Variants in ATXN3 observed in about 807,000 individuals in gnomAD.
ATXN3 encodes the protein ataxin-3.
In ATXN3, 28 loss-of-function variants were observed where a neutral mutation model predicts 58.2. The observed-to-expected ratio is 0.48, with a 90% CI of 0.36 to 0.66. ATXN3 has a LOEUF of 0.66. Ranked by LOEUF, ATXN3 falls within the 30% of genes least tolerant of loss-of-function variation. The probability of loss-of-function intolerance (pLI) is 0.00; values close to 1 mark genes in which losing one functional copy is unlikely to be tolerated. For synonymous variants in ATXN3, 113 were observed against 138.5 expected (o/e 0.82, Z 1.29); for missense variants, 321 against 422.1 (o/e 0.76, Z 2.10).
chr14:92,099,951 G>A (rs1418867643), intron 1 of ATXN3, among the ~76,000 whole-genome samples: 1 of 151,224 alleles, frequency 6.6e-6, no homozygotes. Flanking sequence ...AGAAAGGAAG[G>A]AAGGAAGAAA....
At chr14:92,078,432 G>A (rs1464250757) in intron 9 of ATXN3, among the ~76,000 whole-genome samples, 2 of 151,622 alleles carry the variant, frequency 1.3e-5, no homozygotes, top group Non-Finnish European at 2.9e-5. Context: ...GCACGATCTC[G>A]GCTCACCGCA....
intron 9 of ATXN3, chr14:92,080,711 T>A (rs1050025180): frequency 2.4e-6 from 1 of 414,384 alleles, no homozygotes; most frequent in East Asian, 6.4e-5. Flanking sequence ...TTCTTTTGTA[T>A]TTTTAGTAGA....
At chr14:92,051,330 T>C (rs1032527954), upstream of ATXN3, among the ~76,000 whole-genome samples, 1 of 152,242 alleles carries the variant, frequency 6.6e-6, no homozygotes, top group Admixed American at 6.5e-5. Flanking sequence ...TTTCCATTAC[T>C]ACAGAATCTT....
intron 10 of ATXN3, among the ~76,000 whole-genome samples, chr14:92,068,396 G>C (rs1376702141): frequency 6.6e-6 from 1 of 152,098 alleles, no homozygotes; most frequent in Non-Finnish European, 1.5e-5. Context: ...ATCTTGCTAG[G>C]TTGCCTCTTT....
At chr14:92,053,591 G>A (rs2057455694), downstream of ATXN3, among the ~76,000 whole-genome samples, 1 of 151,076 alleles carries the variant, frequency 6.6e-6, no homozygotes, top group Non-Finnish European at 1.5e-5. Flanking sequence ...CAAACCTCCA[G>A]GCTCAAGGTA....
intron 9 of ATXN3, 139 bp downstream of exon 9, chr14:92,080,826 G>A (rs905880777): frequency 2.2e-5 from 17 of 757,426 alleles, no homozygotes; most frequent in African/African-American, 2.1e-4. Context: ...GTAAGCCACC[G>A]TGCCCGTCCT....
chr14:92,099,465 T>C (rs1380269718), intron 1 of ATXN3, among the ~76,000 whole-genome samples: 3 of 152,234 alleles, frequency 2.0e-5, no homozygotes, highest in Non-Finnish European at 2.9e-5. Context: ...AATAGACTTT[T>C]TGTTTCCACT....
downstream of ATXN3, among the ~76,000 whole-genome samples, chr14:92,058,064 C>T (rs1319441866): frequency 2.0e-5 from 3 of 152,142 alleles, no homozygotes; most frequent in Non-Finnish European, 2.9e-5. Flanking sequence ...GAATTCTTAG[C>T]TTCTCTTGGA....
At chr14:92,069,909 C>T (rs1390981843) in intron 10 of ATXN3, among the ~76,000 whole-genome samples, 1 of 152,136 alleles carries the variant, frequency 6.6e-6, no homozygotes, top group African/African-American at 2.4e-5. Flanking sequence ...TAAAGCCATA[C>T]CTACAGGGGT....
intron 1 of ATXN3, among the ~76,000 whole-genome samples, chr14:92,105,270 C>A (rs569912322): frequency 5.9e-4 from 90 of 152,196 alleles, no homozygotes; most frequent in African/African-American, 2.0e-3. Context: ...AAAAACATTA[C>A]CTGGCCCTGG....
rs1461718529 is a variant in ATXN3 at position 92,063,874 on chromosome 14, A to T, written c.*446T>A. ...TTATCAACATCAGGAAAGTAGAGAT[A>T]CTTTCCTGAAAGGTTAATTTGGTTA... is the stretch of plus-strand genomic sequence containing the variant. On this transcript the variant is annotated 3_prime_UTR_variant, in exon 11 of 11. Coordinates refer to ENST00000644486, the MANE Select transcript of ATXN3 (RefSeq NM_004993.6). 6.5e-6 allele frequency: 1 copy of T among 154,964 alleles called. No homozygotes were observed. Among genetic ancestry groups the T allele is most frequent in the East Asian group, 1.9e-4 (1 of 5,298 alleles). 9.6% of individuals were successfully genotyped at this position (154,964 alleles called of 1,614,324 possible).
chr14:92,106,563 CTGG>C lies in ATXN3; in HGVS notation c.-14_-12del. The C allele has an allele frequency of 1.9e-6, 3 of 1,613,062 alleles. No individual in the cohort carries two copies. The highest frequency in any genetic ancestry group is 2.5e-6 in the Non-Finnish European group (3 of 1,179,404). ...GAAGATGGACTCCATGTTTATTTGT[CTGG>C]AGCCAACGGCCCCCACGCCGAACCA... On this transcript the variant is annotated 5_prime_UTR_variant, in exon 1 of 11. Transcript: ENST00000644486.
At chr14:92,079,777 C>G (rs577040365) in intron 9 of ATXN3, among the ~76,000 whole-genome samples, 1 of 152,200 alleles carries the variant, frequency 6.6e-6, no homozygotes, top group Admixed American at 6.5e-5. Context: ...CGCTCTTGTC[C>G]CCCAGGCTGG....
intron 8 of ATXN3, 39 bp from the exon 9 acceptor site, chr14:92,081,100 T>A: frequency 7.5e-7 from 1 of 1,341,312 alleles, no homozygotes; most frequent in Non-Finnish European, 1.1e-6. Flanking sequence ...CCAATCACTG[T>A]ATTTACCAAT....
chr14:92,089,842 C>T (rs551819678), intron 5 of ATXN3, among the ~76,000 whole-genome samples: 2 of 152,256 alleles, frequency 1.3e-5, no homozygotes, highest in African/African-American at 4.8e-5. Context: ...ACAAAGTTTT[C>T]CCATTACTGA....
rs73323741 is a variant in ATXN3, at chr14:92,058,932, T to A, written c.*5388A>T. The A allele has an allele frequency of 6.6e-6, 1 of 151,214 alleles. No homozygotes were observed. The highest frequency in any genetic ancestry group is 2.5e-5 in the African/African-American group (1 of 40,692). 9.4% of individuals were successfully genotyped at this position (151,214 alleles called of 1,614,324 possible). A position where few individuals can be genotyped will look rare whatever the true frequency, so the allele number is the denominator to read the frequency against. ...TTAGATAATCACATTTAAAAATGTA[T>A]GTTTTCCTCTTTCAAAAAAAAAAAA... is the stretch of plus-strand genomic sequence containing the variant. On this transcript the variant is annotated 3_prime_UTR_variant, in exon 11 of 11. Coordinates refer to ENST00000644486, the MANE Select transcript of ATXN3 (RefSeq NM_004993.6).
chr14:92,061,516 C>T lies in ATXN3; in HGVS notation c.*2804G>A, dbSNP rs2057776851. ...AAGGCTTAAACTTCTACTAGCATCA[C>T]CACTGTACATACTTGATCCCAGTAA... On this transcript the variant is annotated 3_prime_UTR_variant, in exon 11 of 11. Coordinates refer to ENST00000644486, the MANE Select transcript of ATXN3 (RefSeq NM_004993.6). 1 of 152,102 alleles carries T rather than the reference C, an allele frequency of 6.6e-6. No homozygotes were observed. Among genetic ancestry groups the T allele is most frequent in the African/African-American group, 2.4e-5 (1 of 41,396 alleles). The allele number at this position is 152,102 out of a possible 1,614,324, so 9.4% of individuals were successfully genotyped here. A position where few individuals can be genotyped will look rare whatever the true frequency, so the allele number is the denominator to read the frequency against.
downstream of ATXN3, chr14:92,058,212 C>G (rs566465881): frequency 2.0e-5 from 3 of 152,350 alleles, no homozygotes; most frequent in African/African-American, 4.8e-5. Flanking sequence ...CAGCGCTTCT[C>G]AAGCTTCACT....
chr14:92,071,991 C>T (rs2059532224), intron 9 of ATXN3, among the ~76,000 whole-genome samples: 1 of 152,182 alleles, frequency 6.6e-6, no homozygotes, highest in Non-Finnish European at 1.5e-5. Flanking sequence ...TCATCTATTT[C>T]CCCAGTGCTG....
Sources: allele counts gnomAD v4.1 joint callset (sites outside exome capture counted in the v4.1 genomes callset), GRCh38; gene constraint gnomAD v4.1.1; transcripts MANE v1.5; gene names NCBI Gene and HGNC (gene_info 2026-07-23, HGNC 2026-07-21).